SERPINB8: variants seen among roughly 807,000 people sequenced by gnomAD.
The protein encoded by SERPINB8 is serpin B8.
SERPINB8 carries 25 observed loss-of-function variants against 35.3 expected under a neutral mutation model. That is an observed-to-expected ratio of 0.71 (90% CI 0.52 to 0.99). The LOEUF (loss-of-function observed/expected upper bound fraction) is 0.99, where lower values mean the gene tolerates loss of function less well. Ranked by LOEUF, SERPINB8 falls within the 50% of genes least tolerant of loss-of-function variation. The pLI, the probability that SERPINB8 is intolerant of heterozygous loss-of-function variation, is 0.00. For synonymous variants in SERPINB8, 186 were observed against 160.8 expected, an observed-to-expected ratio of 1.16 and a Z score of -1.19; for missense variants, 484 against 446.5, an observed-to-expected ratio of 1.08 and a Z score of -0.76.
intron 1 of SERPINB8, among the ~76,000 whole-genome samples, chr18:63,973,921 G>T (rs1302513342): frequency 6.6e-6 from 1 of 152,204 alleles, no homozygotes; most frequent in East Asian, 1.9e-4. Flanking sequence ...CAGGTAATGT[G>T]ATGCCTCCAG....
intron 5 of SERPINB8, 145 bp from the exon 6 acceptor site, chr18:63,984,948 T>G: frequency 1.4e-6 from 1 of 698,552 alleles, no homozygotes; most frequent in Admixed American, 2.9e-5. Flanking sequence ...AATACTAAGA[T>G]GTACTAATGA....
At chr18:63,975,412 C>T (rs984676804) in intron 1 of SERPINB8, among the ~76,000 whole-genome samples, 3 of 152,174 alleles carry the variant, frequency 2.0e-5, no homozygotes, top group African/African-American at 7.2e-5. Flanking sequence ...CTTCCAACAT[C>T]TGCAGACCCT....
intron 5 of SERPINB8, among the ~76,000 whole-genome samples, chr18:63,984,022 T>A (rs1388272217): frequency 6.6e-6 from 1 of 152,210 alleles, no homozygotes; most frequent in Admixed American, 6.5e-5. Context: ...AATTTTTGTA[T>A]TTTTTGTAGA....
chr18:63,988,367 T>C lies in SERPINB8; in HGVS notation c.*1089T>C, dbSNP rs2050793621. 6.6e-6 allele frequency: 1 copy of C among 152,210 alleles called. No homozygotes were observed. The highest frequency in any genetic ancestry group is 1.5e-5 in the Non-Finnish European group (1 of 68,034). The allele number at this position is 152,210 out of a possible 1,614,324, so 9.4% of individuals were successfully genotyped here. Reference sequence around the variant, plus strand: ...TGGATTTCTATAATTGAATCTAATTTTAGACAGTTTGAGTAATTAAAATTA... The same window carrying C: ...TGGATTTCTATAATTGAATCTAATTCTAGACAGTTTGAGTAATTAAAATTA... On this transcript the variant is annotated 3_prime_UTR_variant, in exon 7 of 7. Coordinates refer to ENST00000397985, the MANE Select transcript of SERPINB8 (RefSeq NM_002640.4).
downstream of SERPINB8, among the ~76,000 whole-genome samples, chr18:63,992,336 A>C (rs771271042): frequency 1.3e-5 from 2 of 152,204 alleles, no homozygotes; most frequent in Non-Finnish European, 2.9e-5. Context: ...TAGCTTTGGT[A>C]GCTTGTGTCT....
At chr18:63,993,636 T>C (rs2050834906), downstream of SERPINB8, among the ~76,000 whole-genome samples, 1 of 152,240 alleles carries the variant, frequency 6.6e-6, no homozygotes, top group Admixed American at 6.5e-5. Flanking sequence ...CTAGCAATTG[T>C]TGAGAGATGA....
intron 7 of SERPINB8, among the ~76,000 whole-genome samples, chr18:64,011,967 G>T (rs1245589540): frequency 1.3e-5 from 2 of 152,102 alleles, no homozygotes; most frequent in Non-Finnish European, 2.9e-5. Context: ...ATTATGTTTG[G>T]TGACAGTTAG....
At chr18:63,972,895 G>T (rs2050513513) in intron 1 of SERPINB8, among the ~76,000 whole-genome samples, 1 of 152,156 alleles carries the variant, frequency 6.6e-6, no homozygotes, top group African/African-American at 2.4e-5. Context: ...TATCATTGAT[G>T]GACATTTGGG....
intron 7 of SERPINB8, among the ~76,000 whole-genome samples, chr18:64,015,541 C>G (rs1485317134): frequency 1.3e-5 from 2 of 152,138 alleles, no homozygotes; most frequent in African/African-American, 4.8e-5. Context: ...ACTTTGTAAG[C>G]TTTTCTTATT....
intron 1 of SERPINB8, among the ~76,000 whole-genome samples, chr18:63,999,436 G>T (rs1205441304): frequency 1.3e-5 from 2 of 152,128 alleles, no homozygotes; most frequent in Non-Finnish European, 2.9e-5. Context: ...ACTCAATGCT[G>T]TTCCACATGG....
chr18:63,988,674 T>C lies in SERPINB8; in HGVS notation c.*1396T>C, dbSNP rs2050797419. On this transcript the variant is annotated 3_prime_UTR_variant, in exon 7 of 7. Coordinates refer to ENST00000397985, the MANE Select transcript of SERPINB8 (RefSeq NM_002640.4). ...ACAGTGGTTAATCCTGACTCTGTTT[T>C]TGACTGACAGTTAACAGTTACATGA... 6.6e-6 allele frequency: 1 copy of C among 152,230 alleles called. No individual in the cohort carries two copies. The highest frequency in any genetic ancestry group is 1.5e-5 in the Non-Finnish European group (1 of 68,048). 9.4% of individuals were successfully genotyped at this position (152,230 alleles called of 1,614,324 possible). A position where few individuals can be genotyped will look rare whatever the true frequency, so the allele number is the denominator to read the frequency against.
chr18:63,989,816 G>A (rs2050812457), downstream of SERPINB8, among the ~76,000 whole-genome samples: 2 of 150,400 alleles, frequency 1.3e-5, no homozygotes, highest in East Asian at 2.0e-4. Flanking sequence ...AGTGGTGGGC[G>A]CCTGTAGTCC....
downstream of SERPINB8, among the ~76,000 whole-genome samples, chr18:64,008,782 G>A (rs186593683): frequency 5.3e-5 from 8 of 152,054 alleles, no homozygotes; most frequent in Non-Finnish European, 4.4e-5. Context: ...ATCACGATAG[G>A]CCATACACTA....
chr18:64,004,151 T>G (rs1161015282), intron 1 of SERPINB8, among the ~76,000 whole-genome samples: 1 of 25,874 alleles, frequency 3.9e-5, no homozygotes, highest in Non-Finnish European at 9.7e-5. Flanking sequence ...TGCCTATATC[T>G]TTTTTGGAGA....
At chr18:63,983,826 A>G in intron 5 of SERPINB8, 105 bp downstream of exon 5, 1 of 831,800 alleles carries the variant, frequency 1.2e-6, no homozygotes, top group South Asian at 1.8e-5. Flanking sequence ...CTTGATTTTA[A>G]TCTATTTCTG....
downstream of SERPINB8, among the ~76,000 whole-genome samples, chr18:64,006,929 G>T (rs1410861623): frequency 6.6e-6 from 1 of 151,924 alleles, no homozygotes; most frequent in Non-Finnish European, 1.5e-5. Context: ...TTAGAAATGT[G>T]TAAGTAGAAT....
At chr18:64,014,889 A>G (rs1277065338) in intron 7 of SERPINB8, among the ~76,000 whole-genome samples, 2 of 152,184 alleles carry the variant, frequency 1.3e-5, no homozygotes, top group African/African-American at 4.8e-5. Flanking sequence ...AAGGCTAGCA[A>G]TCTGAATATC....
chr18:63,983,258 G>A (rs1000006505), intron 4 of SERPINB8, among the ~76,000 whole-genome samples: 1 of 152,182 alleles, frequency 6.6e-6, no homozygotes, highest in African/African-American at 2.4e-5. Context: ...AGACTCTGGG[G>A]TGATGTTCTC....
intron 1 of SERPINB8, among the ~76,000 whole-genome samples, chr18:63,971,204 A>G (rs745991269): frequency 3.9e-5 from 6 of 151,926 alleles, no homozygotes; most frequent in Non-Finnish European, 7.4e-5. Flanking sequence ...TCTTCCTTTT[A>G]CTACCTCCAG....
Sources: allele counts gnomAD v4.1 joint callset (sites outside exome capture counted in the v4.1 genomes callset), GRCh38; gene constraint gnomAD v4.1.1; transcripts MANE v1.5; gene names NCBI Gene and HGNC (gene_info 2026-07-23, HGNC 2026-07-21).